Variants in TRPC4AP observed in about 807,000 individuals in gnomAD.
TRPC4AP encodes the protein transient receptor potential cation channel subfamily C member 4 associated protein, also known as short transient receptor potential channel 4-associated protein.
A neutral mutation model predicts 99.0 loss-of-function variants in TRPC4AP; 45 were observed. The observed-to-expected ratio is 0.45, with a 90% CI of 0.36 to 0.58. The LOEUF (loss-of-function observed/expected upper bound fraction) is 0.58. TRPC4AP is among the 20% of genes least tolerant of loss of function. The pLI, the probability that TRPC4AP is intolerant of heterozygous loss-of-function variation, is 0.00. For synonymous variants in TRPC4AP, 408 were observed against 385.8 expected (o/e 1.06, Z -0.67); for missense variants, 879 against 985.3 (o/e 0.89, Z 1.44).
intron 7 of TRPC4AP, among the ~76,000 whole-genome samples, chr20:35,036,585 G>A (rs759935576): frequency 5.3e-5 from 8 of 152,140 alleles, no homozygotes; most frequent in Non-Finnish European, 1.0e-4. Flanking sequence ...GAAATTATAC[G>A]ATGTCTGGGG....
rs2146065488 is a variant in TRPC4AP, at chr20:35,092,743, G to A, written c.39C>T (p.Gly13=). ...CTGTGGCTGCCGACCGTCTCCCTCG[G>A]CCGGCTCCAGACCCAGCCGCTACCG... ...AAPVAAGSGA[G]RGRRSAATVA... is the part of the protein sequence containing the mutation. The change falls in exon 1 of 19, where the codon GGC becomes GGT. Residue 13 remains glycine, a synonymous_variant. Coordinates refer to ENST00000252015, the MANE Select transcript of TRPC4AP (RefSeq NM_015638.3). The A allele has an allele frequency of 1.3e-6, 2 of 1,562,816 alleles. No homozygotes were observed. Among genetic ancestry groups the A allele is most frequent in the African/African-American group, 1.4e-5 (1 of 71,454 alleles).
intron 8 of TRPC4AP, among the ~76,000 whole-genome samples, chr20:35,029,519 G>T (rs1396280388): frequency 7.3e-6 from 1 of 136,500 alleles, no homozygotes; most frequent in East Asian, 2.2e-4. Flanking sequence ...TGTCTTGTGT[G>T]TTTTTTTGTT....
At chr20:35,080,341 A>G (rs1445492389) in intron 1 of TRPC4AP, among the ~76,000 whole-genome samples, 1 of 151,884 alleles carries the variant, frequency 6.6e-6, no homozygotes, top group African/African-American at 2.4e-5. Flanking sequence ...CCTCTACAAA[A>G]AAAAAAAAAA....
chr20:35,005,314 G>A (rs139353038), intron 16 of TRPC4AP, among the ~76,000 whole-genome samples: 2 of 152,308 alleles, frequency 1.3e-5, no homozygotes, highest in East Asian at 3.9e-4. Context: ...AAAAGGAAAC[G>A]CGTGCGCATA....
intron 1 of TRPC4AP, among the ~76,000 whole-genome samples, chr20:35,079,038 C>T (rs181723639): frequency 2.0e-5 from 3 of 152,240 alleles, no homozygotes; most frequent in Admixed American, 2.0e-4. Flanking sequence ...GGCACCCCAG[C>T]CTGGGCGACA....
chr20:35,088,317 T>C (rs890696023), intron 1 of TRPC4AP, among the ~76,000 whole-genome samples: 7 of 152,206 alleles, frequency 4.6e-5, no homozygotes, highest in Admixed American at 1.3e-4. Flanking sequence ...AGTAAGTAAA[T>C]ACCAGAGCTA....
intron 16 of TRPC4AP, among the ~76,000 whole-genome samples, chr20:35,004,882 C>T (rs1263306906): frequency 6.6e-6 from 1 of 152,206 alleles, no homozygotes; most frequent in Non-Finnish European, 1.5e-5. Context: ...GAAGAGTTCC[C>T]TCCACAGGAA....
At position 35,003,619 on chromosome 20, in the gene TRPC4AP, G is replaced by A. The variant is rs1467605109; in HGVS notation, c.2050-3C>T. 4.3e-6 allele frequency: 7 copies of A among 1,612,464 alleles called. No homozygotes were observed. Among genetic ancestry groups the A allele is most frequent in the Non-Finnish European group, 5.9e-6 (7 of 1,179,596 alleles). On this transcript the variant is annotated splice_region_variant and splice_polypyrimidine_tract_variant and intron_variant, in intron 17 of 18. Coordinates refer to ENST00000252015, the MANE Select transcript of TRPC4AP (RefSeq NM_015638.3). ...GTGTTGAGGCAGCTGACGTTCTCCT[G>A]CAAGGCCACAGGCCCACAGGGTCAG...
intron 6 of TRPC4AP, among the ~76,000 whole-genome samples, chr20:35,045,467 C>T (rs1164403619): frequency 1.3e-5 from 2 of 152,114 alleles, no homozygotes; most frequent in African/African-American, 4.8e-5. Context: ...AACTCCTAGG[C>T]CCAAGCAATC....
intron 3 of TRPC4AP, among the ~76,000 whole-genome samples, chr20:35,066,601 A>G (rs2145983463): frequency 6.6e-6 from 1 of 152,318 alleles, no homozygotes; most frequent in South Asian, 2.1e-4. Context: ...ACACCAAAAT[A>G]AACTTCAAAT....
chr20:35,069,693 C>A (rs541299644), intron 2 of TRPC4AP, among the ~76,000 whole-genome samples: 1 of 152,306 alleles, frequency 6.6e-6, no homozygotes, highest in African/African-American at 2.4e-5. Context: ...GTAATCCCAG[C>A]ACTTTGGGAG....
At chr20:35,051,033 T>TACACACACACAC (rs34091819) in intron 5 of TRPC4AP, among the ~76,000 whole-genome samples, 13 of 144,996 alleles carry the variant, frequency 9.0e-5, no homozygotes, top group East Asian at 4.1e-4. Flanking sequence ...TGCTATAGCT[T>TACACACACACAC]ACACACACAC....
At chr20:35,006,807 G>T (rs2082528238) in intron 14 of TRPC4AP, among the ~76,000 whole-genome samples, 1 of 152,254 alleles carries the variant, frequency 6.6e-6, no homozygotes, top group Admixed American at 6.5e-5. Context: ...CCCCTGCCCA[G>T]GGCGTACAGC....
At position 35,092,621 on chromosome 20, in the gene TRPC4AP, G is replaced by T. The variant is rs1263648772; in HGVS notation, c.161C>A (p.Ala54Glu). 5.6e-6 allele frequency: 7 copies of T among 1,249,862 alleles called. No individual in the cohort carries two copies. In the Admixed American group the frequency reaches 1.7e-4, roughly 31 times the overall value. The allele number at this position is 1,249,862 out of a possible 1,614,324, so 77.4% of individuals were successfully genotyped here. A position where few individuals can be genotyped will look rare whatever the true frequency, so the allele number is the denominator to read the frequency against. Reference protein sequence around the residue: ...GQLTGRGLVRAVQFTETFLTE... With the variant: ...GQLTGRGLVREVQFTETFLTE... Reference sequence around the variant, plus strand: ...CCTGGTCCAGCCTCGTACCTGCACCGCCCGGACCAGGCCCCGGCCGGTCAG... The same window carrying T: ...CCTGGTCCAGCCTCGTACCTGCACCTCCCGGACCAGGCCCCGGCCGGTCAG... The change falls in exon 1 of 19, where the codon GCG becomes GAG. Residue 54 changes from alanine (A) to glutamate (E), a missense_variant. Around this residue, in one of 3 missense-constraint regions of TRPC4AP, gnomAD observed 603 missense variants for 631.8 expected, o/e 0.95. Transcript: ENST00000252015.
At chr20:35,085,602 C>A (rs1369379699) in intron 1 of TRPC4AP, among the ~76,000 whole-genome samples, 1 of 106,738 alleles carries the variant, frequency 9.4e-6, no homozygotes, top group African/African-American at 4.1e-5. Context: ...CAGAGCAAGA[C>A]CCTGTCTAAA....
chr20:35,083,425 C>A (rs1039404355), intron 1 of TRPC4AP, among the ~76,000 whole-genome samples: 2 of 151,424 alleles, frequency 1.3e-5, no homozygotes, highest in Non-Finnish European at 2.9e-5. Context: ...CATGGTGAAA[C>A]CCCATCTCTA....
rs191273910 is a variant in TRPC4AP at position 35,084,454 on chromosome 20, A to G, written c.169-6280T>C. ...ATGAAAGTCAAAAGGGTATATGTAT[A>G]TATGTGTGTATATATGTATATATGT... is the stretch of plus-strand genomic sequence containing the variant. On this transcript the variant is annotated intron_variant, in intron 1 of 18. Transcript: ENST00000252015. Among the ~76,000 whole-genome samples, 4 of 148,648 alleles carry G rather than the reference A, an allele frequency of 2.7e-5. No homozygotes were observed. In the East Asian group the frequency reaches 7.9e-4, roughly 29 times the overall value.
rs186782338 is a variant in TRPC4AP at position 35,012,199 on chromosome 20, T to G, written c.1409+809A>C. On this transcript the variant is annotated intron_variant, in intron 11 of 18. Coordinates refer to ENST00000252015, the MANE Select transcript of TRPC4AP (RefSeq NM_015638.3). ...CGGAAAACCTCTCACAGAGGATGGG[T>G]GCATATGATGGAGGTGCCCTGGGGC... is the stretch of plus-strand genomic sequence containing the variant. Among the ~76,000 whole-genome samples, 353 of 152,346 alleles carry G rather than the reference T, an allele frequency of 2.3e-3. 1 individual carries two copies. The highest frequency in any genetic ancestry group is 8.2e-3 in the African/African-American group (343 of 41,582).
chr20:35,053,315 C>G (rs907625371), intron 5 of TRPC4AP, among the ~76,000 whole-genome samples: 1 of 152,176 alleles, frequency 6.6e-6, no homozygotes, highest in Admixed American at 6.5e-5. Flanking sequence ...ATATTTGTAC[C>G]CATTAATCAA....
Sources: allele counts gnomAD v4.1 joint callset (sites outside exome capture counted in the v4.1 genomes callset), GRCh38; gene constraint gnomAD v4.1.1; regional missense constraint gnomAD v4.1.1; transcripts MANE v1.5; gene names NCBI Gene and HGNC (gene_info 2026-07-23, HGNC 2026-07-21).